AURKB: variants seen among roughly 807,000 people sequenced by gnomAD.
The protein encoded by AURKB is aurora kinase B.
AURKB carries 28 observed loss-of-function variants against 36.5 expected under a neutral mutation model. The observed-to-expected ratio is 0.77, with a 90% CI of 0.57 to 1.05. AURKB has a LOEUF of 1.05. AURKB is among the 50% of genes least tolerant of loss of function. AURKB has a pLI of 0.00. For missense variants in AURKB, 383 were observed against 447.4 expected (o/e 0.86, Z 1.30); for synonymous variants, 175 against 172.9 (o/e 1.01, Z -0.09).
chr17:8,208,624 ATAAATAAAAAAT>A (rs1317903351), intron 2 of AURKB, among the ~76,000 whole-genome samples: 5 of 149,272 alleles, frequency 3.3e-5, no homozygotes, highest in African/African-American at 1.2e-4. Flanking sequence ...AAATAAATAA[ATAAATAAAAAAT>A]AAATAACCTA....
chr17:8,206,991 A>T lies in AURKB; in HGVS notation c.399-103T>A. 1 of 1,549,262 alleles carries T rather than the reference A, an allele frequency of 6.5e-7. No homozygotes were observed. The highest frequency in any genetic ancestry group is 8.7e-7 in the Non-Finnish European group (1 of 1,143,090). ...AGACGTGGCCCAGGCCGGGGACACC[A>T]GGGCTGGGAGTGGTAAGGGGAAACT... On this transcript the variant is annotated intron_variant, in intron 5 of 8. Coordinates refer to ENST00000585124, the MANE Select transcript of AURKB (RefSeq NM_004217.4). This position sits in a 1 kb window ranked among gnomAD's most constrained non-coding sequence, Gnocchi z 4.2.
At chr17:8,208,052 C>T (rs970984056) in intron 2 of AURKB, 25 of 446,528 alleles carry the variant, frequency 5.6e-5, no homozygotes, top group African/African-American at 8.2e-5. Flanking sequence ...TAGGGCTGGG[C>T]GCAGTGGCTC....
chr17:8,206,365 A>C lies in AURKB; in HGVS notation c.686+126T>G. On this transcript the variant is annotated intron_variant, in intron 7 of 8. Transcript: ENST00000585124. This position sits in a 1 kb window ranked among gnomAD's most constrained non-coding sequence, Gnocchi z 4.2. ...AATCTAGTCTCGAACTCCTGACCTCAGGTGATCCGCCCTCCTCGGCCTCCC... is the reference window on the plus strand; with the variant it reads ...AATCTAGTCTCGAACTCCTGACCTCCGGTGATCCGCCCTCCTCGGCCTCCC... 1 of 1,166,506 alleles carries C rather than the reference A, an allele frequency of 8.6e-7. No individual in the cohort carries two copies. 72.3% of individuals were successfully genotyped at this position (1,166,506 alleles called of 1,614,324 possible).
Position 8,204,758 on chromosome 17 carries a change from A to T in AURKB, c.*113T>A. 7.1e-7 allele frequency: 1 copy of T among 1,414,020 alleles called. No homozygotes were observed. Among genetic ancestry groups the T allele is most frequent in the Admixed American group, 2.1e-5 (1 of 46,656 alleles). The allele number at this position is 1,414,020 out of a possible 1,614,324, so 87.6% of individuals were successfully genotyped here. ...ATGAGTACAAAAAGCTTCAGCCTTTATTAAACAAAGGAGGAGGTAGAAAAC... is the reference window on the plus strand; with the variant it reads ...ATGAGTACAAAAAGCTTCAGCCTTTTTTAAACAAAGGAGGAGGTAGAAAAC... On this transcript the variant is annotated 3_prime_UTR_variant, in exon 9 of 9. Transcript: ENST00000585124.
chr17:8,209,291 G>T (rs1230908266), intron 2 of AURKB, among the ~76,000 whole-genome samples: 1 of 152,252 alleles, frequency 6.6e-6, no homozygotes, highest in Non-Finnish European at 1.5e-5. Context: ...GATTACAGGC[G>T]TGAGCCACCT....
intron 2 of AURKB, among the ~76,000 whole-genome samples, chr17:8,209,515 CCTT>C (rs1047044053): frequency 6.6e-6 from 1 of 152,208 alleles, no homozygotes; most frequent in Non-Finnish European, 1.5e-5. Context: ...AGGGCCCCTT[CCTT>C]CTTCTGCAGC....
chr17:8,207,533 C>A (rs771356838), intron 4 of AURKB, 38 bp downstream of exon 4: 2 of 1,605,154 alleles, frequency 1.2e-6, no homozygotes, highest in Non-Finnish European at 1.7e-6. Context: ...GTTCATTGTC[C>A]CCTCACCCCC....
At chr17:8,207,431 C>G in intron 4 of AURKB, 64 bp from the exon 5 acceptor site, 2 of 1,575,908 alleles carry the variant, frequency 1.3e-6, no homozygotes, top group African/African-American at 1.3e-5. Flanking sequence ...TTTGCTTTCT[C>G]TCTGCTTCCT....
At chr17:8,205,133 G>C in intron 8 of AURKB, 83 bp downstream of exon 8, 1 of 1,549,062 alleles carries the variant, frequency 6.5e-7, no homozygotes, top group Non-Finnish European at 8.7e-7. Flanking sequence ...GTTACTTAGG[G>C]CCATGCAAAT....
chr17:8,204,818 C>T lies in AURKB; in HGVS notation c.*53G>A. The T allele has an allele frequency of 2.5e-6, 4 of 1,596,868 alleles. No individual in the cohort carries two copies. The highest frequency in any genetic ancestry group is 3.4e-6 in the Non-Finnish European group (4 of 1,172,300). On this transcript the variant is annotated 3_prime_UTR_variant, in exon 9 of 9. Transcript: ENST00000585124. ...AACAGTTAGGGATCCCTTCTTTCCC[C>T]TATACATACACAGACATACAAACAC...
chr17:8,207,612 C>T lies in AURKB; in HGVS notation c.165G>A (p.Gln55=). ...TCCCACTGCTATTCTCCATCACCTT[C>T]TGGCCAGGGGCAGCTAAGGAGAGAA... ...SNVQPTAAPG[Q]KVMENSSGTP... is the part of the protein sequence containing the mutation. The change falls in exon 4 of 9, where the codon CAG becomes CAA. Residue 55 remains glutamine, a synonymous_variant. Coordinates refer to ENST00000585124, the MANE Select transcript of AURKB (RefSeq NM_004217.4). 6.2e-7 allele frequency: 1 copy of T among 1,613,988 alleles called. No individual in the cohort carries two copies. The highest frequency in any genetic ancestry group is 8.5e-7 in the Non-Finnish European group (1 of 1,179,890).
At chr17:8,207,888 C>G (rs373908865) in intron 2 of AURKB, 48 bp from the exon 3 acceptor site, 1 of 1,483,182 alleles carries the variant, frequency 6.7e-7, no homozygotes, top group Admixed American at 2.1e-5. Context: ...GTCTGATGAC[C>G]GGGGTGGAAT....
At chr17:8,210,027 G>C in intron 2 of AURKB, 150 bp downstream of exon 2, 1 of 1,006,190 alleles carries the variant, frequency 9.9e-7, no homozygotes, top group South Asian at 1.5e-5. Context: ...TGACCAGAGC[G>C]GGTTCTGTCG....
chr17:8,205,107 AC>A, intron 8 of AURKB, 63 bp from the exon 9 acceptor site: 1 of 1,547,518 alleles, frequency 6.5e-7, no homozygotes, highest in Non-Finnish European at 8.7e-7. Context: ...TTCCTTGACT[AC>A]CCATTCTGTT....
rs1274318904 is a variant in AURKB, at chr17:8,207,776, G to A, written c.113C>T (p.Ala38Val). Residue 38 changes from alanine (A) to valine (V), a missense_variant, in exon 3 of 9, where the codon GCA (alanine) becomes GTA (valine). Physicochemically the swap from Ala to Val is moderately conservative, Grantham distance 64. Around this residue, in one of 3 missense-constraint regions of AURKB, gnomAD observed 105 missense variants for 95.7 expected, o/e 1.10. Coordinates refer to ENST00000585124, the MANE Select transcript of AURKB (RefSeq NM_004217.4). Reference protein sequence around the residue: ...VLRKEPVTPSALVLMSRSNVQ... With the variant: ...VLRKEPVTPSVLVLMSRSNVQ... ...ATTGGAGCGGCTCATGAGGACAAGTGCAGATGGGGTGACAGGCTCTTTCCG... is the reference window on the plus strand; with the variant it reads ...ATTGGAGCGGCTCATGAGGACAAGTACAGATGGGGTGACAGGCTCTTTCCG... 3.7e-6 allele frequency: 6 copies of A among 1,614,078 alleles called. No individual in the cohort carries two copies. The highest frequency in any genetic ancestry group is 5.1e-6 in the Non-Finnish European group (6 of 1,180,026).
In AURKB at chr17:8,204,954, G is replaced by C. The variant is rs1985020543; in HGVS notation, c.952C>G (p.Leu318Val). The stretch of plus-strand genomic sequence containing the variant: ...CAAGGGTGGGCTGAGACCTGGGCCA[G>C]GGGCAGCCGTTCCGAGGGGTTATGC... ...LRHNPSERLP[L>V]AQVSAHPWVR... The change falls in exon 9 of 9, where the codon CTG becomes GTG. Residue 318 changes from leucine (L) to valine (V), a missense_variant. Leu to Val is a conservative substitution (Grantham distance 32, BLOSUM62 1). This residue lies in a region of AURKB where 219 missense variants were observed against 252.6 expected (regional missense o/e 0.87). Coordinates refer to ENST00000585124, the MANE Select transcript of AURKB (RefSeq NM_004217.4). The C allele has an allele frequency of 1.9e-6, 3 of 1,610,178 alleles. No individual in the cohort carries two copies. In the East Asian group the frequency reaches 6.7e-5, roughly 36 times the overall value.
chr17:8,204,851 C>CGAGT lies in AURKB; in HGVS notation c.*16_*19dup. The stretch of plus-strand genomic sequence containing the variant: ...ACACAGACATACAAACACACGCACC[C>CGAGT]GAGTGAATGACAGGGACCATCAGGC... On this transcript the variant is annotated 3_prime_UTR_variant, in exon 9 of 9. Coordinates refer to ENST00000585124, the MANE Select transcript of AURKB (RefSeq NM_004217.4). 1 of 1,611,592 alleles carries CGAGT rather than the reference C, an allele frequency of 6.2e-7. No individual in the cohort carries two copies. The highest frequency in any genetic ancestry group is 2.2e-5 in the East Asian group (1 of 44,866).
At position 8,207,333 on chromosome 17, in the gene AURKB, G is replaced by A. The variant is rs752234429; in HGVS notation, c.241C>T (p.Arg81Cys). ...HFTIDDFEIG[R>C]PLGKGKFGNV... ...CCAAACTTGCCTTTGCCCAGAGGACGCCCAATCTCAAAGTCATCAATTGTG... is the reference window on the plus strand; with the variant it reads ...CCAAACTTGCCTTTGCCCAGAGGACACCCAATCTCAAAGTCATCAATTGTG... Residue 81 changes from arginine to cysteine, a missense_variant, in exon 5 of 9, where the codon CGT (arginine) becomes TGT (cysteine). By Grantham distance (180) the Arg-to-Cys change is radical. Around this residue, in one of 3 missense-constraint regions of AURKB, gnomAD observed 59 missense variants for 99.0 expected, o/e 0.60. Coordinates refer to ENST00000585124, the MANE Select transcript of AURKB (RefSeq NM_004217.4). 11 of 1,613,986 alleles carry A rather than the reference G, an allele frequency of 6.8e-6. No individual in the cohort carries two copies. Among genetic ancestry groups the A allele is most frequent in the East Asian group, 6.7e-5 (3 of 44,890 alleles).
Position 8,206,536 on chromosome 17 carries a change from A to T in AURKB, c.641T>A (p.Leu214Gln). Residue 214 changes from leucine (L) to glutamine (Q), a missense_variant, in exon 7 of 9, where the codon CTG becomes CAG. Leu to Gln is a moderately radical substitution (Grantham distance 113). Coordinates refer to ENST00000585124, the MANE Select transcript of AURKB (RefSeq NM_004217.4). This position sits in a 1 kb window ranked among gnomAD's most constrained non-coding sequence, Gnocchi z 4.2. ...ENLLLGLKGE[L>Q]KIADFGWSVH... ...AGACCAGCCGAAGTCAGCAATCTTC[A>T]GCTCTCCCTTGAGCCCTAAGAGCAG... 1 of 1,614,140 alleles carries T rather than the reference A, an allele frequency of 6.2e-7. No individual in the cohort carries two copies. The highest frequency in any genetic ancestry group is 8.5e-7 in the Non-Finnish European group (1 of 1,180,014).
Sources: allele counts gnomAD v4.1 joint callset (sites outside exome capture counted in the v4.1 genomes callset), GRCh38; gene constraint gnomAD v4.1.1; regional missense constraint gnomAD v4.1.1; non-coding constraint Gnocchi (gnomAD v3.1); transcripts MANE v1.5; gene names NCBI Gene and HGNC (gene_info 2026-07-23, HGNC 2026-07-21).